The following SUGCT variants were observed in gnomAD, a reference collection of about 807,000 sequenced individuals.
SUGCT encodes succinyl-CoA:glutarate-CoA transferase.
SUGCT carries 41 observed loss-of-function variants against 55.0 expected under a neutral mutation model. The ratio of observed to expected loss-of-function variants is 0.74; its 90% CI spans 0.58 to 0.97. The LOEUF (loss-of-function observed/expected upper bound fraction) is 0.97. SUGCT is among the 50% of genes least tolerant of loss of function. SUGCT has a pLI of 0.00. For missense variants in SUGCT, 568 were observed against 547.8 expected, an observed-to-expected ratio of 1.04 and a Z score of -0.37; for synonymous variants, 187 against 200.4, an observed-to-expected ratio of 0.93 and a Z score of 0.56.
At chr7:41,012,062 G>C in the SUGCT span, among the ~76,000 whole-genome samples, 1 of 152,210 alleles carries the variant, frequency 6.6e-6, no homozygotes, top group African/African-American at 2.4e-5. Flanking sequence ...GCCAAATGGA[G>C]ACAGTTTGAA....
chr7:40,431,722 G>A (rs1787904827), intron 9 of SUGCT, among the ~76,000 whole-genome samples: 1 of 151,966 alleles, frequency 6.6e-6, no homozygotes, highest in Admixed American at 6.6e-5. Flanking sequence ...ACTCTTTAAA[G>A]GTCAGTTTGT....
intron 12 of SUGCT, chr7:40,538,414 T>TA (rs981452255): frequency 2.0e-5 from 3 of 152,154 alleles, no homozygotes; most frequent in Non-Finnish European, 4.4e-5. Flanking sequence ...CAACCCAGGG[T>TA]AAAAAATGAA....
the SUGCT span, among the ~76,000 whole-genome samples, chr7:40,959,004 A>G: frequency 6.6e-6 from 1 of 152,182 alleles, no homozygotes; most frequent in Admixed American, 6.5e-5. Context: ...AGGCTGCAGA[A>G]CAGCAATGAT....
intron 9 of SUGCT, among the ~76,000 whole-genome samples, chr7:40,426,249 C>G (rs1271565730): frequency 6.6e-6 from 1 of 152,066 alleles, no homozygotes; most frequent in Non-Finnish European, 1.5e-5. Context: ...GAGGCAGAAA[C>G]CTCTCCCATG....
At chr7:40,427,019 A>G (rs956976251) in intron 9 of SUGCT, among the ~76,000 whole-genome samples, 7 of 152,116 alleles carry the variant, frequency 4.6e-5, no homozygotes, top group Admixed American at 4.6e-4. Flanking sequence ...CCTATTGCCC[A>G]GAATGGTCTT....
At chr7:40,343,555 G>A (rs1160556825) in intron 9 of SUGCT, among the ~76,000 whole-genome samples, 1 of 151,192 alleles carries the variant, frequency 6.6e-6, no homozygotes, top group Non-Finnish European at 1.5e-5. Context: ...AGAATCCTTT[G>A]GCCGATCTCC....
chr7:40,486,883 C>A (rs1791389685), intron 11 of SUGCT, among the ~76,000 whole-genome samples: 3 of 151,742 alleles, frequency 2.0e-5, no homozygotes, highest in Admixed American at 6.6e-5. Context: ...AATTCTACCA[C>A]ACCTGGCTAA....
At chr7:40,730,360 G>A (rs1338552338) in intron 12 of SUGCT, among the ~76,000 whole-genome samples, 2 of 152,142 alleles carry the variant, frequency 1.3e-5, no homozygotes, top group Non-Finnish European at 1.5e-5. Context: ...ACCTGCCTCA[G>A]CTTCCCAAAG....
chr7:40,815,235 G>A lies in SUGCT; in HGVS notation c.1154-45081G>A, dbSNP rs536934389. ...AGGCAGGTCCTCCTCCAGGGGCCCCGATGGCAGGCATGAGCACCAGTGCTG... is the reference window on the plus strand; with the variant it reads ...AGGCAGGTCCTCCTCCAGGGGCCCCAATGGCAGGCATGAGCACCAGTGCTG... On this transcript the variant is annotated intron_variant, in intron 13 of 13. Transcript: ENST00000335693. Among the ~76,000 whole-genome samples, 6 of 152,342 alleles carry A rather than the reference G, an allele frequency of 3.9e-5. No individual in the cohort carries two copies. In the South Asian group the frequency reaches 8.3e-4, roughly 21 times the overall value.
the SUGCT span, among the ~76,000 whole-genome samples, chr7:41,020,108 A>T: frequency 2.0e-5 from 3 of 152,244 alleles, no homozygotes; most frequent in African/African-American, 2.4e-5. Flanking sequence ...ATTGTAAATA[A>T]CAAATGCTAT....
intron 9 of SUGCT, among the ~76,000 whole-genome samples, chr7:40,414,280 C>T (rs1257602322): frequency 1.3e-5 from 2 of 152,126 alleles, no homozygotes; most frequent in Non-Finnish European, 2.9e-5. Context: ...CTGTGAGTAG[C>T]AAATCTTGTG....
the SUGCT span, among the ~76,000 whole-genome samples, chr7:40,971,892 C>G: frequency 1.3e-5 from 2 of 151,890 alleles, no homozygotes; most frequent in Non-Finnish European, 2.9e-5. Flanking sequence ...TTTTTTTTAG[C>G]AGGTCTTTGT....
At chr7:40,613,156 T>G (rs547204523) in intron 12 of SUGCT, among the ~76,000 whole-genome samples, 1 of 152,026 alleles carries the variant, frequency 6.6e-6, no homozygotes, top group East Asian at 1.9e-4. Flanking sequence ...TGGAGCCAAA[T>G]TCAACGATAC....
At chr7:40,697,055 G>A (rs954412582) in intron 12 of SUGCT, among the ~76,000 whole-genome samples, 5 of 151,914 alleles carry the variant, frequency 3.3e-5, no homozygotes, top group Admixed American at 6.6e-5. Context: ...TGGTAGTAGC[G>A]GATAGCAATT....
chr7:40,897,986 C>T, the SUGCT span, among the ~76,000 whole-genome samples: 1 of 152,264 alleles, frequency 6.6e-6, no homozygotes, highest in Non-Finnish European at 1.5e-5. Flanking sequence ...CCAACAGTGG[C>T]CACCCGCTCA....
At chr7:40,219,152 C>G (rs1034153141) in intron 6 of SUGCT, among the ~76,000 whole-genome samples, 1 of 152,110 alleles carries the variant, frequency 6.6e-6, no homozygotes, top group Non-Finnish European at 1.5e-5. Flanking sequence ...ACACTCATGG[C>G]CAAGGTCTGC....
Position 40,440,159 on chromosome 7 carries a change from T to G in SUGCT, c.817-9128T>G, listed in dbSNP as rs868032178. 4.4e-3 allele frequency among the ~76,000 whole-genome samples: 602 copies of G among 135,944 alleles called. 6 individuals carry two copies. The highest frequency in any genetic ancestry group is 7.1e-3 in the Admixed American group (97 of 13,650). The allele number at this position is 135,944 out of a possible 152,430, so 89.2% of individuals were successfully genotyped here. ...TGTGTGTGTGTGTTTTTTTTTTTTTTTTTTTTTTTTTTTTTTTTAAGACTG... is the reference window on the plus strand; with the variant it reads ...TGTGTGTGTGTGTTTTTTTTTTTTTGTTTTTTTTTTTTTTTTTTAAGACTG... On this transcript the variant is annotated intron_variant, in intron 9 of 13. Coordinates refer to ENST00000335693, the MANE Select transcript of SUGCT (RefSeq NM_001193313.2).
the SUGCT span, among the ~76,000 whole-genome samples, chr7:41,013,568 G>A: frequency 6.6e-6 from 1 of 152,118 alleles, no homozygotes; most frequent in Non-Finnish European, 1.5e-5. Context: ...GTGCATAAGT[G>A]CGCAGGTGTC....
At chr7:40,197,993 GT>G (rs1185938078) in intron 6 of SUGCT, among the ~76,000 whole-genome samples, 4 of 152,144 alleles carry the variant, frequency 2.6e-5, no homozygotes, top group Non-Finnish European at 5.9e-5. Flanking sequence ...TAAAATTTTA[GT>G]GTGGTGAAAT....
Sources: allele counts gnomAD v4.1 joint callset (sites outside exome capture counted in the v4.1 genomes callset), GRCh38; gene constraint gnomAD v4.1.1; transcripts MANE v1.5; gene names NCBI Gene and HGNC (gene_info 2026-07-23, HGNC 2026-07-21).